Variants in CFAP92 observed in about 807,000 individuals in gnomAD.
The protein encoded by CFAP92 is uncharacterized protein CFAP92.
CFAP92 carries 86 observed loss-of-function variants against 106.3 expected under a neutral mutation model. That is an observed-to-expected ratio of 0.81 (90% confidence interval 0.68 to 0.97). The LOEUF is 0.97. Among genes scored for constraint, CFAP92 ranks in the 50% least tolerant of loss-of-function variants. The pLI is 0.00. For missense variants in CFAP92, 1,204 were observed against 1,283.8 expected (o/e 0.94, Z 0.95); for synonymous variants, 477 against 506.4 (o/e 0.94, Z 0.78).
intron 9 of CFAP92, among the ~76,000 whole-genome samples, chr3:128,961,665 G>A (rs1487004893): frequency 6.6e-6 from 1 of 152,172 alleles, no homozygotes; most frequent in African/African-American, 2.4e-5. Context: ...CCAGTTCATG[G>A]CAGCAACCCT....
chr3:128,933,377 G>A (rs1938615799), intron 11 of CFAP92, among the ~76,000 whole-genome samples: 2 of 152,182 alleles, frequency 1.3e-5, no homozygotes, highest in South Asian at 4.1e-4. Context: ...AGCCTCAGGG[G>A]GCTGGCTGTT....
intron 11 of CFAP92, among the ~76,000 whole-genome samples, chr3:128,933,934 T>C (rs1358845414): frequency 7.0e-6 from 1 of 143,572 alleles, no homozygotes; most frequent in Non-Finnish European, 1.5e-5. Flanking sequence ...CAGCAAGCAC[T>C]AGCTAGGGCC....
At chr3:129,021,561 T>C in the CFAP92 span, among the ~76,000 whole-genome samples, 10,222 of 152,156 alleles carry the variant, frequency 0.067, 956 homozygotes, top group African/African-American at 0.21. Context: ...GCAACAAGAT[T>C]GAAACTCCGT....
chr3:129,003,208 CTCCTCTGATGTGGAA>C, upstream of CFAP92: 1 of 985,320 alleles, frequency 1.0e-6, no homozygotes, highest in African/African-American at 1.7e-5. Context: ...CGGGAAACTA[CTCCTCTGATGTGGAA>C]TCCCAAGTAA....
At chr3:128,924,432 C>CTTTTTTTTTTTT (rs71153151) in intron 12 of CFAP92, among the ~76,000 whole-genome samples, 1 of 69,808 alleles carries the variant, frequency 1.4e-5, no homozygotes, top group Admixed American at 2.0e-4. Context: ...ACGATTGTAT[C>CTTTTTTTTTTTT]TTTTTTTTTT....
At chr3:128,958,324 C>T (rs937278651) in intron 9 of CFAP92, among the ~76,000 whole-genome samples, 2 of 152,068 alleles carry the variant, frequency 1.3e-5, no homozygotes, top group South Asian at 2.1e-4. Context: ...AAGGGTAGCA[C>T]GAAGGAGATC....
intron 9 of CFAP92, among the ~76,000 whole-genome samples, chr3:128,964,043 A>C (rs1405991268): frequency 6.6e-6 from 1 of 152,194 alleles, no homozygotes; most frequent in Non-Finnish European, 1.5e-5. Flanking sequence ...CCCTTCTGTC[A>C]GACATAATTC....
chr3:128,971,026 T>C, intron 8 of CFAP92: 1 of 521,898 alleles, frequency 1.9e-6, no homozygotes, highest in Non-Finnish European at 3.4e-6. Context: ...ATAGGCTTCC[T>C]TGGATTTTGG....
intron 9 of CFAP92, among the ~76,000 whole-genome samples, chr3:128,956,534 A>G (rs1344567758): frequency 6.6e-6 from 1 of 152,220 alleles, no homozygotes. Context: ...AAACTTCTGT[A>G]AATTAATGAC....
chr3:129,004,024 G>A, upstream of CFAP92: 1 of 1,510,066 alleles, frequency 6.6e-7, no homozygotes, highest in Non-Finnish European at 8.8e-7. Context: ...CGCAACAGGT[G>A]CCCGGCTTGC....
intron 15 of CFAP92, among the ~76,000 whole-genome samples, chr3:128,911,355 G>T (rs766543065): frequency 2.6e-5 from 4 of 152,056 alleles, no homozygotes; most frequent in Non-Finnish European, 5.9e-5. Flanking sequence ...ACCGCACCGG[G>T]CCTGCCAAGG....
chr3:128,925,353 G>C (rs1235225123), intron 12 of CFAP92, among the ~76,000 whole-genome samples: 1 of 152,172 alleles, frequency 6.6e-6, no homozygotes, highest in Non-Finnish European at 1.5e-5. Context: ...ACAGGAGGTG[G>C]AGCTCAGGTG....
intron 1 of CFAP92, chr3:129,001,750 A>G (rs1305993901): frequency 1.3e-6 from 2 of 1,541,138 alleles, no homozygotes; most frequent in South Asian, 1.2e-5. Flanking sequence ...TACGGGCTGG[A>G]CCGCGGCGTG....
chr3:128,983,651 T>C (rs1363996942), intron 4 of CFAP92, among the ~76,000 whole-genome samples: 1 of 151,788 alleles, frequency 6.6e-6, no homozygotes, highest in Non-Finnish European at 1.5e-5. Context: ...GGAGGTGAAA[T>C]TGGATTCAGT....
At chr3:129,018,973 T>A in the CFAP92 span, among the ~76,000 whole-genome samples, 1 of 152,220 alleles carries the variant, frequency 6.6e-6, no homozygotes, top group African/African-American at 2.4e-5. Context: ...GACACTAGGC[T>A]GCCTCCAACT....
rs1313144477 is a variant in CFAP92 at position 128,953,610 on chromosome 3, TCTCCCTCTCC to T, written c.1354-7645_1354-7636del. Among the ~76,000 whole-genome samples the T allele has an allele frequency of 1.1e-3, 64 of 56,358 alleles. 1 individual carries two copies. The highest frequency in any genetic ancestry group is 2.9e-3 in the African/African-American group (48 of 16,662). 37.0% of individuals were successfully genotyped at this position (56,358 alleles called of 152,430 possible). ...CTCTCCCTCTCCCTCCCCCTCTCCC[TCTCCCTCTCC>T]CTCCCTCTCCGTCTCCCTCTCCCCA... On this transcript the variant is annotated intron_variant, in intron 9 of 15. Transcript: ENST00000645291.
At chr3:128,920,502 T>G (rs910652774) in intron 12 of CFAP92, among the ~76,000 whole-genome samples, 1 of 152,170 alleles carries the variant, frequency 6.6e-6, no homozygotes, top group African/African-American at 2.4e-5. Context: ...ATGGAAATCA[T>G]AGAATTGAAG....
intron 1 of CFAP92, among the ~76,000 whole-genome samples, chr3:129,000,677 C>A (rs758508149): frequency 6.6e-6 from 1 of 152,206 alleles, no homozygotes; most frequent in Non-Finnish European, 1.5e-5. Flanking sequence ...TGTTCTAAAA[C>A]ACCAGAAAAA....
intron 12 of CFAP92, among the ~76,000 whole-genome samples, chr3:128,923,481 A>G (rs1231825287): frequency 6.6e-6 from 1 of 152,226 alleles, no homozygotes; most frequent in Non-Finnish European, 1.5e-5. Context: ...AGAGACCCTA[A>G]TAGGCAGGAA....
Sources: gnomAD v4.1 joint callset for allele counts (sites outside exome capture counted in the v4.1 genomes callset) on GRCh38, gnomAD v4.1.1 for gene constraint, MANE v1.5 for transcripts, NCBI Gene and HGNC (gene_info 2026-07-23, HGNC 2026-07-21) for gene names.